DNAH7: variants seen among roughly 807,000 people sequenced by gnomAD.
The protein encoded by DNAH7 is dynein axonemal heavy chain 7.
DNAH7 carries 397 observed loss-of-function variants against 444.6 expected under a neutral mutation model. That is an observed-to-expected ratio of 0.89 (90% CI 0.82 to 0.97). The LOEUF (loss-of-function observed/expected upper bound fraction) is 0.97. Ranked by LOEUF, DNAH7 falls within the 50% of genes least tolerant of loss-of-function variation. The pLI is 0.00. For missense variants in DNAH7, 4,902 were observed against 4,800.8 expected (o/e 1.02, Z -0.62); for synonymous variants, 1,636 against 1,624.4 (o/e 1.01, Z -0.17).
At chr2:196,011,979 C>T (rs1321976606) in intron 10 of DNAH7, among the ~76,000 whole-genome samples, 1 of 151,958 alleles carries the variant, frequency 6.6e-6, no homozygotes, top group Non-Finnish European at 1.5e-5. Flanking sequence ...TAACTAAATA[C>T]TAATATAAAA....
chr2:195,883,096 T>G (rs1306699515), intron 35 of DNAH7, among the ~76,000 whole-genome samples: 3 of 152,144 alleles, frequency 2.0e-5, no homozygotes, highest in Non-Finnish European at 4.4e-5. Flanking sequence ...TCCCAAATTC[T>G]TGATAATCTT....
intron 48 of DNAH7, among the ~76,000 whole-genome samples, chr2:195,832,705 G>C (rs1265707955): frequency 1.3e-5 from 2 of 152,056 alleles, no homozygotes; most frequent in African/African-American, 4.8e-5. Context: ...GCCTCCTAAA[G>C]TGTTGAGATT....
intron 46 of DNAH7, among the ~76,000 whole-genome samples, chr2:195,848,682 G>A (rs1205289866): frequency 6.6e-6 from 1 of 152,222 alleles, no homozygotes; most frequent in African/African-American, 2.4e-5. Flanking sequence ...AGAGCTGTGG[G>A]AGGCAGTTTA....
At chr2:195,940,327 A>C (rs1689340733) in intron 19 of DNAH7, among the ~76,000 whole-genome samples, 1 of 152,238 alleles carries the variant, frequency 6.6e-6, no homozygotes, top group Non-Finnish European at 1.5e-5. Flanking sequence ...CACATGCAGA[A>C]AACAGAAACT....
At position 196,026,719 on chromosome 2, in the gene DNAH7, C is replaced by T. The variant is rs772537563; in HGVS notation, c.667+41G>A. 1.2e-5 allele frequency: 16 copies of T among 1,378,006 alleles called. No individual in the cohort carries two copies. The African/African-American group carries it at 1.4e-4, about 12-fold the overall frequency. The allele number at this position is 1,378,006 out of a possible 1,614,324, so 85.4% of individuals were successfully genotyped here. A position where few individuals can be genotyped will look rare whatever the true frequency, so the allele number is the denominator to read the frequency against. On this transcript the variant is annotated intron_variant, in intron 7 of 64. Coordinates refer to ENST00000312428, the MANE Select transcript of DNAH7 (RefSeq NM_018897.3). ...AATACAAAAATAATCTTTAATGAGACACATATTTGAATTAAAAATCAAAGC... is the reference window on the plus strand; with the variant it reads ...AATACAAAAATAATCTTTAATGAGATACATATTTGAATTAAAAATCAAAGC...
chr2:195,939,096 A>C (rs1689250105), intron 19 of DNAH7, among the ~76,000 whole-genome samples: 1 of 152,074 alleles, frequency 6.6e-6, no homozygotes, highest in Non-Finnish European at 1.5e-5. Flanking sequence ...ATGAGGACTA[A>C]ATTAGATAAT....
chr2:195,834,211 G>C lies in DNAH7; in HGVS notation c.9095C>G (p.Thr3032Ser). Residue 3032 changes from threonine (T) to serine (S), a missense_variant, in exon 48 of 65, where the codon ACT (threonine) becomes AGT (serine). Physicochemically the swap from Thr to Ser is moderately conservative, Grantham distance 58. Transcript: ENST00000312428. ...RTLENCIQFGTPVLLENVGEE... is the reference protein window; with the variant it reads ...RTLENCIQFGSPVLLENVGEE... ...TTAGTTATTCAACTACATACCAGGA[G>C]TACCAAACTGGATGCAATTTTCCAG... 1 of 1,605,134 alleles carries C rather than the reference G, an allele frequency of 6.2e-7. No homozygotes were observed. The highest frequency in any genetic ancestry group is 8.5e-7 in the Non-Finnish European group (1 of 1,173,320).
chr2:195,809,696 A>C (rs1294093020), intron 52 of DNAH7, 49 bp downstream of exon 52: 4 of 1,440,992 alleles, frequency 2.8e-6, no homozygotes, highest in Admixed American at 2.5e-5. Context: ...TAAATTAATG[A>C]ATCAGCGTTA....
intron 1 of DNAH7, chr2:196,068,483 G>A: frequency 1.6e-6 from 1 of 644,052 alleles, no homozygotes; most frequent in Non-Finnish European, 2.5e-6. Context: ...AGGTTTGGTT[G>A]TTATGACGAC....
rs761667825 is a variant in DNAH7, at chr2:195,796,596, T to G, written c.10495A>C (p.Thr3499Pro). 1 of 1,614,116 alleles carries G rather than the reference T, an allele frequency of 6.2e-7. No homozygotes were observed. Among genetic ancestry groups the G allele is most frequent in the East Asian group, 2.2e-5 (1 of 44,862 alleles). The change falls in exon 56 of 65, where the codon ACC (threonine) becomes CCC (proline). Residue 3499 changes from threonine (T) to proline (P), a missense_variant. Transcript: ENST00000312428. ...TTTACCTCACAGACTTTCTCAAGGG[T>G]TGGCATCCAAGAGGTGGCAAGGTGA... is the stretch of plus-strand genomic sequence containing the variant. ...NCHLATSWMP[T>P]LEKVCEELSP...
At chr2:195,834,121 C>T (rs1160689956) in intron 48 of DNAH7, 85 bp downstream of exon 48, 6 of 1,343,624 alleles carry the variant, frequency 4.5e-6, no homozygotes, top group South Asian at 1.7e-5. Context: ...GTGGGAGGAT[C>T]GCTTGAAACA....
intron 19 of DNAH7, among the ~76,000 whole-genome samples, chr2:195,942,029 G>A (rs1689484233): frequency 6.6e-6 from 1 of 152,096 alleles, no homozygotes; most frequent in Admixed American, 6.6e-5. Context: ...GGTGACAACA[G>A]TGGACAAAAC....
intron 5 of DNAH7, 43 bp from the exon 6 acceptor site, chr2:196,028,090 C>A (rs761074008): frequency 1.3e-6 from 2 of 1,502,392 alleles, no homozygotes; most frequent in African/African-American, 1.4e-5. Context: ...AGATAAGGGG[C>A]AGTTAGAACA....
At chr2:195,883,142 G>T (rs1701501204) in intron 35 of DNAH7, among the ~76,000 whole-genome samples, 1 of 151,968 alleles carries the variant, frequency 6.6e-6, no homozygotes, top group Non-Finnish European at 1.5e-5. Flanking sequence ...TATAGGAAAG[G>T]AACCATTAAG....
chr2:196,039,204 G>T (rs988547818), intron 5 of DNAH7, among the ~76,000 whole-genome samples: 1 of 152,006 alleles, frequency 6.6e-6, no homozygotes, highest in Admixed American at 6.6e-5. Context: ...CCAATAGCAA[G>T]AGCAACTTTG....
At chr2:195,747,883 T>A (rs1200935229) in intron 63 of DNAH7, among the ~76,000 whole-genome samples, 2 of 152,220 alleles carry the variant, frequency 1.3e-5, no homozygotes, top group African/African-American at 4.8e-5. Flanking sequence ...AATATCATAC[T>A]GAATGGGCAA....
In DNAH7 at chr2:195,756,357, T is replaced by C. The variant is rs545611794; in HGVS notation, c.11434-72A>G. 1.0e-4 allele frequency: 130 copies of C among 1,269,380 alleles called. No individual in the cohort carries two copies. In the African/African-American group the frequency reaches 1.8e-3, roughly 17 times the overall value. 78.6% of individuals were successfully genotyped at this position (1,269,380 alleles called of 1,614,324 possible). A position where few individuals can be genotyped will look rare whatever the true frequency, so the allele number is the denominator to read the frequency against. Reference sequence around the variant, plus strand: ...AGATTATAAGCAACCACCTTTTAAATACCTCCTTCATGATTATCCTTTGTT... The same window carrying C: ...AGATTATAAGCAACCACCTTTTAAACACCTCCTTCATGATTATCCTTTGTT... On this transcript the variant is annotated intron_variant, in intron 61 of 64. Transcript: ENST00000312428.
intron 17 of DNAH7, among the ~76,000 whole-genome samples, chr2:195,968,294 T>G (rs953018132): frequency 6.6e-6 from 1 of 152,126 alleles, no homozygotes; most frequent in African/African-American, 2.4e-5. Context: ...TATTGGTTAT[T>G]CAGGGCCTAA....
intron 58 of DNAH7, among the ~76,000 whole-genome samples, chr2:195,786,738 T>G (rs1695643074): frequency 1.3e-5 from 2 of 152,204 alleles, no homozygotes; most frequent in South Asian, 4.1e-4. Context: ...ATAAGTATAA[T>G]ATTATCATTT....
Sources: allele counts gnomAD v4.1 joint callset (sites outside exome capture counted in the v4.1 genomes callset), GRCh38; gene constraint gnomAD v4.1.1; transcripts MANE v1.5; gene names NCBI Gene and HGNC (gene_info 2026-07-23, HGNC 2026-07-21).